EIF3M: variants seen among roughly 807,000 people sequenced by gnomAD.
EIF3M encodes eukaryotic translation initiation factor 3 subunit M, also known as B5 receptor.
EIF3M carries 25 observed loss-of-function variants against 49.7 expected under a neutral mutation model. The ratio of observed to expected loss-of-function variants is 0.50; its 90% CI spans 0.37 to 0.70. The LOEUF (loss-of-function observed/expected upper bound fraction) is 0.70. Among genes scored for constraint, EIF3M ranks in the 30% least tolerant of loss-of-function variants. The probability of loss-of-function intolerance (pLI) is 0.00; values close to 1 mark genes in which losing one functional copy is unlikely to be tolerated. For synonymous variants in EIF3M, 156 were observed against 149.8 expected, an observed-to-expected ratio of 1.04 and a Z score of -0.30; for missense variants, 350 against 440.0, an observed-to-expected ratio of 0.80 and a Z score of 1.83.
intron 5 of EIF3M, among the ~76,000 whole-genome samples, chr11:32,591,366 TTA>T (rs796390968): frequency 6.6e-6 from 1 of 152,248 alleles, no homozygotes; most frequent in South Asian, 2.1e-4. Context: ...CTTTGAATTT[TTA>T]TAGTTAAGTC....
intron 5 of EIF3M, chr11:32,591,931 C>A (rs540368119): frequency 3.7e-6 from 1 of 271,030 alleles, no homozygotes; most frequent in South Asian, 4.5e-5. Context: ...CCACCACCAC[C>A]GTAATTACCA....
chr11:32,599,677 T>G (rs1308201296), intron 8 of EIF3M, among the ~76,000 whole-genome samples: 1 of 151,974 alleles, frequency 6.6e-6, no homozygotes, highest in East Asian at 1.9e-4. Context: ...GTTTTATAAT[T>G]AATAAGTTAG....
rs1443082088 is a variant in EIF3M, at chr11:32,584,116, C to T, written c.42+187C>T. On this transcript the variant is annotated intron_variant, in intron 1 of 10. Transcript: ENST00000531120. ...CGATTCGCACCAGCTCGCCGGCCGG[C>T]GGTCCCAGCGCGGGGCCCGACGCTT... The T allele has an allele frequency of 8.4e-6, 6 of 718,410 alleles. No individual in the cohort carries two copies. In the South Asian group the frequency reaches 9.8e-5, roughly 12 times the overall value. The allele number at this position is 718,410 out of a possible 1,614,324, so 44.5% of individuals were successfully genotyped here. A position where few individuals can be genotyped will look rare whatever the true frequency, so the allele number is the denominator to read the frequency against.
chr11:32,598,151 A>AAGGAAAAAGG (rs1469500981), intron 8 of EIF3M, among the ~76,000 whole-genome samples: 1 of 152,192 alleles, frequency 6.6e-6, no homozygotes, highest in African/African-American at 2.4e-5. Context: ...TTTACGCACC[A>AAGGAAAAAGG]AGGAAAAAGG....
At chr11:32,598,731 A>C (rs1303303325) in intron 8 of EIF3M, among the ~76,000 whole-genome samples, 1 of 152,094 alleles carries the variant, frequency 6.6e-6, no homozygotes, top group Non-Finnish European at 1.5e-5. Context: ...AGTAAAATAG[A>C]TTTAATTTCA....
At chr11:32,591,108 CA>C (rs1855094940) in intron 5 of EIF3M, among the ~76,000 whole-genome samples, 1 of 152,194 alleles carries the variant, frequency 6.6e-6, no homozygotes, top group East Asian at 1.9e-4. Flanking sequence ...CTCCGCCTCC[CA>C]AAGTGCTGGG....
chr11:32,600,574 A>G, intron 8 of EIF3M, 115 bp from the exon 9 acceptor site: 1 of 1,264,974 alleles, frequency 7.9e-7, no homozygotes, highest in Non-Finnish European at 1.0e-6. Context: ...TGCTCAAACA[A>G]TAATTTCCAC....
intron 1 of EIF3M, among the ~76,000 whole-genome samples, chr11:32,586,137 G>C (rs1854993540): frequency 6.6e-6 from 1 of 152,148 alleles, no homozygotes; most frequent in Admixed American, 6.5e-5. Context: ...GCTGAGGCTG[G>C]AGAATCATTT....
At chr11:32,589,333 C>T (rs1047423745) in intron 4 of EIF3M, among the ~76,000 whole-genome samples, 198 bp downstream of exon 4, 4 of 152,136 alleles carry the variant, frequency 2.6e-5, no homozygotes, top group Admixed American at 2.0e-4. Context: ...TGCGCCACCA[C>T]GCCCGGCTAA....
At chr11:32,584,144 C>T in intron 1 of EIF3M, 3 of 597,916 alleles carry the variant, frequency 5.0e-6, no homozygotes, top group East Asian at 2.9e-5. Context: ...CGACGCTTCA[C>T]CGCCAGCTCC....
At chr11:32,590,169 A>G (rs935713475) in intron 5 of EIF3M, among the ~76,000 whole-genome samples, 3 of 152,212 alleles carry the variant, frequency 2.0e-5, no homozygotes, top group East Asian at 3.8e-4. Context: ...ACATTTTTAA[A>G]TGATTGAGAA....
At chr11:32,595,090 T>C in intron 7 of EIF3M, 77 bp downstream of exon 7, 1 of 1,307,704 alleles carries the variant, frequency 7.6e-7, no homozygotes, top group Non-Finnish European at 1.1e-6. Context: ...CTCTTTTTCT[T>C]TGCATTAATA....
intron 3 of EIF3M, 96 bp downstream of exon 3, chr11:32,588,828 C>T: frequency 1.3e-6 from 2 of 1,574,860 alleles, no homozygotes; most frequent in Non-Finnish European, 1.7e-6. Flanking sequence ...GAACTTGACT[C>T]TCAGCTGTGG....
chr11:32,602,189 C>T (rs2133205875), intron 10 of EIF3M, 90 bp from the exon 11 acceptor site: 1 of 1,537,310 alleles, frequency 6.5e-7, no homozygotes. Flanking sequence ...TTTAATCTTG[C>T]TTTTAACTGG....
At chr11:32,588,292 G>A (rs1256257071) in intron 2 of EIF3M, among the ~76,000 whole-genome samples, 2 of 150,902 alleles carry the variant, frequency 1.3e-5, no homozygotes, top group African/African-American at 2.4e-5. Context: ...GGGAGGCTGA[G>A]ACGGGAGAAT....
At position 32,583,858 on chromosome 11, in the gene EIF3M, T is replaced by G. The variant is rs537580397; in HGVS notation, c.-30T>G. ...TTTCCGGTCGGCGTGGTCTTGCGAG[T>G]GGAGTGTCCGCTGTGCCCGGGCCTG... is the stretch of plus-strand genomic sequence containing the variant. On this transcript the variant is annotated 5_prime_UTR_variant, in exon 1 of 11. Coordinates refer to ENST00000531120, the MANE Select transcript of EIF3M (RefSeq NM_006360.6). 3.7e-6 allele frequency: 6 copies of G among 1,609,858 alleles called. No individual in the cohort carries two copies. In the African/African-American group the frequency reaches 6.7e-5, roughly 18 times the overall value.
intron 8 of EIF3M, among the ~76,000 whole-genome samples, chr11:32,598,838 A>T (rs1855217212): frequency 6.6e-6 from 1 of 152,056 alleles, no homozygotes. Flanking sequence ...ATGTTAAGGA[A>T]TTTTTGAAAA....
At position 32,605,590 on chromosome 11, in the gene EIF3M, T is replaced by C. The variant is rs1413987325; in HGVS notation, c.*3191T>C. 6.6e-6 allele frequency: 1 copy of C among 152,216 alleles called. No individual in the cohort carries two copies. Among genetic ancestry groups the C allele is most frequent in the Non-Finnish European group, 1.5e-5 (1 of 68,036 alleles). 9.4% of individuals were successfully genotyped at this position (152,216 alleles called of 1,614,324 possible). ...AATTAACAGTTTCCCAAAATCCTGA[T>C]TCTTTGACTTTTTTATCTTGATGAT... On this transcript the variant is annotated 3_prime_UTR_variant, in exon 11 of 11. Transcript: ENST00000531120.
chr11:32,592,071 C>G (rs986186490), intron 5 of EIF3M: 18 of 280,220 alleles, frequency 6.4e-5, no homozygotes, highest in African/African-American at 3.9e-4. Flanking sequence ...ACCTTCAAAT[C>G]CATTATATCC....
Sources: gnomAD v4.1 joint callset for allele counts (sites outside exome capture counted in the v4.1 genomes callset) on GRCh38, gnomAD v4.1.1 for gene constraint, MANE v1.5 for transcripts, NCBI Gene and HGNC (gene_info 2026-07-23, HGNC 2026-07-21) for gene names.